The following CASZ1 variants were observed in gnomAD, a reference collection of about 807,000 sequenced individuals.
CASZ1 encodes zinc finger protein castor homolog 1.
In CASZ1, 28 loss-of-function variants were observed where a neutral mutation model predicts 135.2. The ratio of observed to expected loss-of-function variants is 0.21; its 90% CI spans 0.15 to 0.28. CASZ1 has a LOEUF of 0.28. Ranked by LOEUF, CASZ1 falls within the 10% of genes least tolerant of loss-of-function variation. The pLI is 1.00. For missense variants in CASZ1, 2,161 were observed against 2,453.3 expected, an observed-to-expected ratio of 0.88 and a Z score of 2.52; for synonymous variants, 1,068 against 1,073.4, an observed-to-expected ratio of 0.99 and a Z score of 0.10.
chr1:10,674,749 G>A (rs1456446442), intron 4 of CASZ1, among the ~76,000 whole-genome samples: 2 of 152,194 alleles, frequency 1.3e-5, no homozygotes, highest in East Asian at 1.9e-4. Flanking sequence ...GTTCAGCCCC[G>A]TGTGGCCCTG....
chr1:10,684,859 T>C (rs1398000562), intron 4 of CASZ1, among the ~76,000 whole-genome samples: 4 of 152,088 alleles, frequency 2.6e-5, no homozygotes, highest in Admixed American at 6.5e-5. Flanking sequence ...CATCTGTAGG[T>C]TTTGAAAAGC....
chr1:10,736,528 A>T (rs992949429), intron 2 of CASZ1, among the ~76,000 whole-genome samples: 1 of 152,184 alleles, frequency 6.6e-6, no homozygotes, highest in Non-Finnish European at 1.5e-5. Context: ...CACACTTAAG[A>T]AACGCTGGCA....
intron 2 of CASZ1, among the ~76,000 whole-genome samples, chr1:10,748,856 G>A (rs1205769698): frequency 6.6e-6 from 1 of 152,258 alleles, no homozygotes; most frequent in East Asian, 1.9e-4. Context: ...AAGCATGGAG[G>A]TCTTCTCGGC....
intron 1 of CASZ1, among the ~76,000 whole-genome samples, chr1:10,765,988 C>T (rs1223062341): frequency 1.3e-5 from 2 of 152,156 alleles, no homozygotes; most frequent in Non-Finnish European, 2.9e-5. Flanking sequence ...AAGGGCGTGT[C>T]GCCAGAGGGA....
chr1:10,747,023 C>T lies in CASZ1; in HGVS notation c.-77+13678G>A, dbSNP rs1230525794. Among the ~76,000 whole-genome samples the T allele has an allele frequency of 6.6e-6, 1 of 152,238 alleles. No homozygotes were observed. The highest frequency in any genetic ancestry group is 1.5e-5 in the Non-Finnish European group (1 of 68,032). On this transcript the variant is annotated intron_variant, in intron 2 of 20. Coordinates refer to ENST00000377022, the MANE Select transcript of CASZ1 (RefSeq NM_001079843.3). The surrounding 1 kb of genome is among the most constrained non-coding windows in gnomAD (Gnocchi z 4.3). ...GACCCCATGGCTTCTCCCCTCATAG[C>T]CCCCGCTAACCAGGAGTGGACGCCC...
Position 10,755,275 on chromosome 1 carries a change from A to G in CASZ1, c.-77+5426T>C, listed in dbSNP as rs1194460550. ...TGGGTAGATTCCAGAACAAAAGCAC[A>G]TGGGGGAACCTGGCAGGAGACCGGA... On this transcript the variant is annotated intron_variant, in intron 2 of 20. Transcript: ENST00000377022. The surrounding 1 kb of genome is among the most constrained non-coding windows in gnomAD (Gnocchi z 4.3). 6.6e-6 allele frequency among the ~76,000 whole-genome samples: 1 copy of G among 152,182 alleles called. No homozygotes were observed. Among genetic ancestry groups the G allele is most frequent in the Non-Finnish European group, 1.5e-5 (1 of 68,018 alleles).
chr1:10,710,168 C>A (rs1236304143), intron 2 of CASZ1, among the ~76,000 whole-genome samples: 1 of 152,164 alleles, frequency 6.6e-6, no homozygotes, highest in East Asian at 1.9e-4. Context: ...AGCAGGAGAC[C>A]TCAACTTGAC....
At chr1:10,640,403 G>T (rs904119563) in intron 20 of CASZ1, among the ~76,000 whole-genome samples, 1 of 152,204 alleles carries the variant, frequency 6.6e-6, no homozygotes, top group East Asian at 1.9e-4. Context: ...GAAGCTGAAG[G>T]GGGAATCTAG....
intron 7 of CASZ1, chr1:10,658,298 T>C: frequency 1.8e-6 from 1 of 555,276 alleles, no homozygotes; most frequent in Non-Finnish European, 3.2e-6. Context: ...TGAGGGAATG[T>C]GTGGCCTGGA....
At position 10,639,698 on chromosome 1, in the gene CASZ1, G is replaced by C. The variant is rs1165297163; in HGVS notation, c.4524C>G (p.Phe1508Leu). The change falls in exon 21 of 21, where the codon TTC (phenylalanine) becomes TTG (leucine). Residue 1508 changes from phenylalanine (F) to leucine (L), a missense_variant. Phe to Leu is a conservative substitution (Grantham distance 22, BLOSUM62 0). Coordinates refer to ENST00000377022, the MANE Select transcript of CASZ1 (RefSeq NM_001079843.3). The surrounding 1 kb of genome is among the most constrained non-coding windows in gnomAD (Gnocchi z 4.0). ...AGTGGAAGTGCGTGCTGGTGCCCGA[G>C]AAGGGGCAGTCGGCGAAGTGGCAGC... ...SLSCHFADCP[F>L]SGTSTHFHCL... 1 of 1,596,940 alleles carries C rather than the reference G, an allele frequency of 6.3e-7. No individual in the cohort carries two copies.
At position 10,720,028 on chromosome 1, in the gene CASZ1, C is replaced by T. The variant is rs555299120; in HGVS notation, c.-76-14484G>A. Among the ~76,000 whole-genome samples, 2 of 152,348 alleles carry T rather than the reference C, an allele frequency of 1.3e-5. No individual in the cohort carries two copies. The highest frequency in any genetic ancestry group is 1.9e-4 in the East Asian group (1 of 5,180). Reference sequence around the variant, plus strand: ...AGCTGGGATCAAACCAGGAGCCAGGCGGCTGCCGGTCCCCACTGCTCTGCC... The same window carrying T: ...AGCTGGGATCAAACCAGGAGCCAGGTGGCTGCCGGTCCCCACTGCTCTGCC... On this transcript the variant is annotated intron_variant, in intron 2 of 20. Coordinates refer to ENST00000377022, the MANE Select transcript of CASZ1 (RefSeq NM_001079843.3). This position sits in a 1 kb window ranked among gnomAD's most constrained non-coding sequence, Gnocchi z 5.7.
intron 2 of CASZ1, among the ~76,000 whole-genome samples, chr1:10,712,022 C>T (rs957401594): frequency 2.0e-5 from 3 of 152,170 alleles, no homozygotes; most frequent in African/African-American, 4.8e-5. Context: ...ACTCTGCAAA[C>T]GTACTTGATG....
rs1410348788 is a variant in CASZ1, at chr1:10,759,611, G to A, written c.-77+1090C>T. Reference sequence around the variant, plus strand: ...GGATTCAGGCAGGTCTGCAGCTTCAGGGACCTACCAAACCCCAGTGCGCAC... The same window carrying A: ...GGATTCAGGCAGGTCTGCAGCTTCAAGGACCTACCAAACCCCAGTGCGCAC... On this transcript the variant is annotated intron_variant, in intron 2 of 20. Transcript: ENST00000377022. This position sits in a 1 kb window ranked among gnomAD's most constrained non-coding sequence, Gnocchi z 4.2. 6.6e-6 allele frequency among the ~76,000 whole-genome samples: 1 copy of A among 152,204 alleles called. No individual in the cohort carries two copies. The highest frequency in any genetic ancestry group is 1.5e-5 in the Non-Finnish European group (1 of 68,036).
At chr1:10,644,816 G>A in intron 18 of CASZ1, 101 bp downstream of exon 18, 1 of 1,234,534 alleles carries the variant, frequency 8.1e-7, no homozygotes, top group Non-Finnish European at 1.1e-6. Flanking sequence ...AGCCTGCGGT[G>A]GGGAACAGGA....
rs1172327880 is a variant in CASZ1 at position 10,649,368 on chromosome 1, C to G, written c.2950G>C (p.Ala984Pro). 6 of 1,606,168 alleles carry G rather than the reference C, an allele frequency of 3.7e-6. No homozygotes were observed. Among genetic ancestry groups the G allele is most frequent in the Non-Finnish European group, 5.1e-6 (6 of 1,176,844 alleles). Residue 984 changes from alanine to proline, a missense_variant, in exon 14 of 21, where the codon GCG (alanine) becomes CCG (proline). By Grantham distance (27) the Ala-to-Pro change is conservative. This residue lies in a region of CASZ1 where 406 missense variants were observed against 387.6 expected (regional missense o/e 1.05). Transcript: ENST00000377022. ...IKAEAEGSPA[A>P]EPSPFLGKAV... The stretch of plus-strand genomic sequence containing the variant: ...TTGCCTAGGAAGGGCGAGGGCTCCG[C>G]AGCGGGGCTCCCCTCCGCTTCCGCC...
Position 10,750,116 on chromosome 1 carries a change from G to A in CASZ1, c.-77+10585C>T, listed in dbSNP as rs574288513. Among the ~76,000 whole-genome samples, 193 of 152,252 alleles carry A rather than the reference G, an allele frequency of 1.3e-3. 2 individuals carry two copies. The highest frequency in any genetic ancestry group is 4.5e-3 in the African/African-American group (187 of 41,562). Reference sequence around the variant, plus strand: ...CAGGGAGAGTCAGGCCAGAGCCATGGCTCTGAGAAACCCTGGCACACGTGT... The same window carrying A: ...CAGGGAGAGTCAGGCCAGAGCCATGACTCTGAGAAACCCTGGCACACGTGT... On this transcript the variant is annotated intron_variant, in intron 2 of 20. Transcript: ENST00000377022.
Position 10,637,673 on chromosome 1 carries a change from G to C in CASZ1, c.*1269C>G, listed in dbSNP as rs971244707. The C allele has an allele frequency of 6.6e-6, 1 of 152,348 alleles. No individual in the cohort carries two copies. Among genetic ancestry groups the C allele is most frequent in the Non-Finnish European group, 1.5e-5 (1 of 68,002 alleles). 9.4% of individuals were successfully genotyped at this position (152,348 alleles called of 1,614,324 possible). A position where few individuals can be genotyped will look rare whatever the true frequency, so the allele number is the denominator to read the frequency against. On this transcript the variant is annotated 3_prime_UTR_variant, in exon 21 of 21. Coordinates refer to ENST00000377022, the MANE Select transcript of CASZ1 (RefSeq NM_001079843.3). ...GTCCCCGGGGACCTCAGAGCCACTGGCCAGGTGTGTGCCTGCCAGGTCAGG... is the reference window on the plus strand; with the variant it reads ...GTCCCCGGGGACCTCAGAGCCACTGCCCAGGTGTGTGCCTGCCAGGTCAGG...
intron 4 of CASZ1, among the ~76,000 whole-genome samples, chr1:10,673,134 C>T (rs1237760494): frequency 2.6e-5 from 4 of 151,688 alleles, no homozygotes; most frequent in African/African-American, 2.4e-5. Flanking sequence ...AAAGGGGGAC[C>T]GAGTGAAGGG....
intron 1 of CASZ1, among the ~76,000 whole-genome samples, chr1:10,768,293 C>T (rs1169669747): frequency 6.6e-6 from 1 of 152,198 alleles, no homozygotes; most frequent in Non-Finnish European, 1.5e-5. Context: ...TCTCGGCTCA[C>T]GGCAGCCTCC....
Sources: allele counts gnomAD v4.1 joint callset (sites outside exome capture counted in the v4.1 genomes callset), GRCh38; gene constraint gnomAD v4.1.1; regional missense constraint gnomAD v4.1.1; non-coding constraint Gnocchi (gnomAD v3.1); transcripts MANE v1.5; gene names NCBI Gene and HGNC (gene_info 2026-07-23, HGNC 2026-07-21).